SLC30A7: variants seen among roughly 807,000 people sequenced by gnomAD.
SLC30A7 encodes zinc transporter 7.
A neutral mutation model predicts 46.0 loss-of-function variants in SLC30A7; 35 were observed. The ratio of observed to expected loss-of-function variants is 0.76; its 90% CI spans 0.58 to 1.01. SLC30A7 has a LOEUF of 1.01. Ranked by LOEUF, SLC30A7 falls within the 50% of genes least tolerant of loss-of-function variation. SLC30A7 has a pLI of 0.00. For missense variants in SLC30A7, 464 were observed against 451.1 expected (o/e 1.03, Z -0.26); for synonymous variants, 147 against 157.8 (o/e 0.93, Z 0.51).
At chr1:100,940,075 A>G (rs61780316) in intron 8 of SLC30A7, among the ~76,000 whole-genome samples, 4 of 152,114 alleles carry the variant, frequency 2.6e-5, no homozygotes, top group African/African-American at 4.8e-5. Context: ...AGATACCTGA[A>G]AGAGCAAGAA....
At chr1:100,990,719 T>G in the SLC30A7 span, 1 of 1,240,590 alleles carries the variant, frequency 8.1e-7, no homozygotes, top group South Asian at 1.4e-5. Flanking sequence ...ACAAGTACAT[T>G]TCAAGAAGCC....
chr1:100,990,428 G>T, the SLC30A7 span: 1 of 1,613,964 alleles, frequency 6.2e-7, no homozygotes, highest in Non-Finnish European at 8.5e-7. Flanking sequence ...TTGATGCTTT[G>T]AGATTCTGAG....
chr1:100,934,497 T>C (rs773937242), intron 8 of SLC30A7, among the ~76,000 whole-genome samples: 6 of 152,130 alleles, frequency 3.9e-5, no homozygotes, highest in Non-Finnish European at 7.4e-5. Flanking sequence ...ACTGCTTAGA[T>C]ATTTTCATAT....
At chr1:100,901,599 C>T (rs1651315758) in intron 2 of SLC30A7, among the ~76,000 whole-genome samples, 1 of 152,052 alleles carries the variant, frequency 6.6e-6, no homozygotes, top group Non-Finnish European at 1.5e-5. Flanking sequence ...GGAGTACAGC[C>T]ACGCCTGGCT....
In SLC30A7 at chr1:100,896,555, G is replaced by C. The variant is rs775069320; in HGVS notation, c.81-15G>C. On this transcript the variant is annotated splice_polypyrimidine_tract_variant and intron_variant, in intron 1 of 10. Transcript: ENST00000357650. ...CTTAACTCTCCCGGCTCTTTTCCACGTGTATCATTCCCAGGTCTATACTGT... is the reference window on the plus strand; with the variant it reads ...CTTAACTCTCCCGGCTCTTTTCCACCTGTATCATTCCCAGGTCTATACTGT... The C allele has an allele frequency of 9.3e-6, 15 of 1,610,262 alleles. No individual in the cohort carries two copies. The highest frequency in any genetic ancestry group is 2.2e-5 in the East Asian group (1 of 44,840).
intron 9 of SLC30A7, among the ~76,000 whole-genome samples, chr1:100,965,124 TCTC>T (rs1655793376): frequency 6.6e-6 from 1 of 152,194 alleles, no homozygotes. Context: ...TGTTGCAAAA[TCTC>T]CTCTATGCCA....
intron 10 of SLC30A7, among the ~76,000 whole-genome samples, chr1:100,969,962 G>A (rs1656068620): frequency 6.6e-6 from 1 of 152,012 alleles, no homozygotes; most frequent in Non-Finnish European, 1.5e-5. Context: ...ATATGCCAAG[G>A]CTTGCAGGAG....
In SLC30A7 at chr1:100,974,831, G is replaced by C. The variant is rs767110366; in HGVS notation, c.1105G>C (p.Val369Leu). ...TCAGGCTGGAGTGAGACAGCTCTACGTACAGATTGACTTTGCAGCCATGTA... is the reference window on the plus strand; with the variant it reads ...TCAGGCTGGAGTGAGACAGCTCTACCTACAGATTGACTTTGCAGCCATGTA... Reference protein sequence around the residue: ...FTQAGVRQLYVQIDFAAM With the variant: ...FTQAGVRQLYLQIDFAAM The change falls in exon 11 of 11, where the codon GTA becomes CTA. Residue 369 changes from valine to leucine, a missense_variant. Val to Leu is a conservative substitution (Grantham distance 32). Coordinates refer to ENST00000357650, the MANE Select transcript of SLC30A7 (RefSeq NM_133496.5). The C allele has an allele frequency of 3.1e-6, 5 of 1,595,494 alleles. No individual in the cohort carries two copies. In the African/African-American group the frequency reaches 6.7e-5, roughly 21 times the overall value.
chr1:100,915,209 C>CT (rs755675376), intron 6 of SLC30A7, among the ~76,000 whole-genome samples: 944 of 70,570 alleles, frequency 0.013, 7 homozygotes, highest in African/African-American at 0.02. Context: ...TTCTTTCTTT[C>CT]TTTCTTTCTT....
At chr1:100,942,760 C>G (rs1654423334) in intron 8 of SLC30A7, among the ~76,000 whole-genome samples, 4 of 152,186 alleles carry the variant, frequency 2.6e-5, no homozygotes, top group Non-Finnish European at 2.9e-5. Flanking sequence ...TTACAGCTTG[C>G]TTTCATTTCC....
At chr1:100,981,954 G>C (rs984942169), downstream of SLC30A7, among the ~76,000 whole-genome samples, 1 of 152,168 alleles carries the variant, frequency 6.6e-6, no homozygotes, top group East Asian at 1.9e-4. Context: ...CCTCATTGTG[G>C]CTCTTAGTCA....
the SLC30A7 span, among the ~76,000 whole-genome samples, chr1:100,988,851 A>AAAAT: frequency 5.3e-5 from 8 of 152,026 alleles, no homozygotes; most frequent in Admixed American, 2.6e-4. Flanking sequence ...CTGTGTCTCA[A>AAAAT]AAATAAATAA....
intron 8 of SLC30A7, among the ~76,000 whole-genome samples, chr1:100,956,680 A>G (rs761976161): frequency 6.6e-6 from 1 of 152,196 alleles, no homozygotes; most frequent in African/African-American, 2.4e-5. Flanking sequence ...CACAAAAGTT[A>G]TTCACACCTA....
intron 2 of SLC30A7, among the ~76,000 whole-genome samples, chr1:100,900,537 C>A (rs1023926811): frequency 3.9e-5 from 6 of 152,116 alleles, no homozygotes; most frequent in African/African-American, 1.4e-4. Context: ...TACTTACCAG[C>A]TTATGGTGAT....
At chr1:100,923,240 TCTC>T (rs1264889505) in intron 8 of SLC30A7, among the ~76,000 whole-genome samples, 1 of 146,610 alleles carries the variant, frequency 6.8e-6, no homozygotes, top group African/African-American at 2.5e-5. Context: ...ATGGTCTCGA[TCTC>T]CTGACCTCGT....
chr1:100,970,475 C>G (rs1038613619), intron 10 of SLC30A7, among the ~76,000 whole-genome samples: 8 of 151,952 alleles, frequency 5.3e-5, no homozygotes, highest in Admixed American at 1.3e-4. Context: ...TGAATATAAA[C>G]TAATGCAAGT....
At chr1:100,958,126 CTG>C (rs1465675856) in intron 8 of SLC30A7, among the ~76,000 whole-genome samples, 1 of 152,100 alleles carries the variant, frequency 6.6e-6, no homozygotes, top group African/African-American at 2.4e-5. Context: ...CTGGCTTTTA[CTG>C]TTCCTGAAAT....
At chr1:100,964,845 C>T (rs1558007638) in intron 9 of SLC30A7, among the ~76,000 whole-genome samples, 1 of 151,882 alleles carries the variant, frequency 6.6e-6, no homozygotes, top group Admixed American at 6.6e-5. Flanking sequence ...TTGTCAGAGT[C>T]CAAAAAGAGG....
At chr1:100,901,964 GTTTAAATT>G (rs1462317461) in intron 2 of SLC30A7, among the ~76,000 whole-genome samples, 128 of 650 alleles carry the variant, frequency 0.2, no homozygotes, top group Non-Finnish European at 0.24. Flanking sequence ...GAAATTTATA[GTTTAAATT>G]TATAGTTTAA....
Sources: allele counts gnomAD v4.1 joint callset (sites outside exome capture counted in the v4.1 genomes callset), GRCh38; gene constraint gnomAD v4.1.1; transcripts MANE v1.5; gene names NCBI Gene and HGNC (gene_info 2026-07-23, HGNC 2026-07-21).